Variants in COLGALT2 observed in about 807,000 individuals in gnomAD.
The protein encoded by COLGALT2 is collagen beta(1-O)galactosyltransferase 2.
In COLGALT2, 49 loss-of-function variants were observed where a neutral mutation model predicts 73.4. That is an observed-to-expected ratio of 0.67 (90% CI 0.53 to 0.85). COLGALT2 has a LOEUF of 0.85. Ranked by LOEUF, COLGALT2 falls within the 40% of genes least tolerant of loss-of-function variation. The pLI is 0.00. For synonymous variants in COLGALT2, 295 were observed against 307.6 expected, an observed-to-expected ratio of 0.96 and a Z score of 0.43; for missense variants, 722 against 790.2, an observed-to-expected ratio of 0.91 and a Z score of 1.03.
intron 1 of COLGALT2, 70 bp downstream of exon 1, chr1:184,037,025 G>C (rs1287016117): frequency 1.0e-5 from 13 of 1,265,782 alleles, no homozygotes; most frequent in Non-Finnish European, 1.3e-5. Context: ...CTGCTGCTCC[G>C]GGCGCTGTCC....
chr1:183,955,844 T>C lies in COLGALT2; in HGVS notation c.953-1006A>G, dbSNP rs537842709. Among the ~76,000 whole-genome samples, 170 of 152,350 alleles carry C rather than the reference T, an allele frequency of 1.1e-3. 2 individuals carry two copies. The highest frequency in any genetic ancestry group is 3.9e-3 in the African/African-American group (163 of 41,574). On this transcript the variant is annotated intron_variant, in intron 6 of 11. Coordinates refer to ENST00000361927, the MANE Select transcript of COLGALT2 (RefSeq NM_015101.4). Reference sequence around the variant, plus strand: ...CTACTGTAACGTATCTGTTCACCTCTATTCCAGGCACAGGAGAGGAATACA... The same window carrying C: ...CTACTGTAACGTATCTGTTCACCTCCATTCCAGGCACAGGAGAGGAATACA...
chr1:184,010,422 C>T (rs193133035), intron 1 of COLGALT2, among the ~76,000 whole-genome samples: 1 of 152,220 alleles, frequency 6.6e-6, no homozygotes, highest in Non-Finnish European at 1.5e-5. Context: ...AAGAGTCTGG[C>T]AGCCTGGGAG....
At chr1:183,956,864 A>C (rs1670567823) in intron 6 of COLGALT2, among the ~76,000 whole-genome samples, 1 of 152,218 alleles carries the variant, frequency 6.6e-6, no homozygotes, top group Non-Finnish European at 1.5e-5. Flanking sequence ...GAAGTGATAC[A>C]GTGAGTCAGA....
rs1004919062 is a variant in COLGALT2, at chr1:183,936,677, C to T, written c.*2084G>A. On this transcript the variant is annotated 3_prime_UTR_variant, in exon 12 of 12. Transcript: ENST00000361927. ...AAATATGAAAACAAAAACCAGATAC[C>T]CAAGGAAATCTTAGGAATCACCTAA... 8.1e-7 allele frequency: 1 copy of T among 1,228,020 alleles called. No homozygotes were observed. Among genetic ancestry groups the T allele is most frequent in the African/African-American group, 1.6e-5 (1 of 64,450 alleles). 76.1% of individuals were successfully genotyped at this position (1,228,020 alleles called of 1,614,324 possible).
intron 1 of COLGALT2, among the ~76,000 whole-genome samples, chr1:183,988,744 T>G (rs567035148): frequency 2.0e-5 from 3 of 152,224 alleles, no homozygotes; most frequent in Non-Finnish European, 4.4e-5. Context: ...TATCAGTTAA[T>G]AGACATTTGG....
intron 10 of COLGALT2, among the ~76,000 whole-genome samples, chr1:183,943,775 C>A (rs900438139): frequency 2.0e-5 from 3 of 152,324 alleles, no homozygotes; most frequent in South Asian, 2.1e-4. Flanking sequence ...GCAGAGGCAA[C>A]CTGCTGTCCC....
intron 7 of COLGALT2, 106 bp downstream of exon 7, chr1:183,954,656 G>T: frequency 1.2e-6 from 1 of 814,368 alleles, no homozygotes; most frequent in Non-Finnish European, 2.0e-6. Context: ...CAGCAGCCAA[G>T]CCAGTCTTGC....
At chr1:184,033,585 C>A (rs1649580435) in intron 1 of COLGALT2, among the ~76,000 whole-genome samples, 4 of 152,184 alleles carry the variant, frequency 2.6e-5, no homozygotes, top group Non-Finnish European at 5.9e-5. Context: ...TTTGTTCAGA[C>A]TAATCTGAAT....
At position 184,037,526 on chromosome 1, in the gene COLGALT2, G is replaced by C. The variant is rs1430738507; in HGVS notation, c.-169C>G. 6 of 1,144,138 alleles carry C rather than the reference G, an allele frequency of 5.2e-6. No homozygotes were observed. In the Admixed American group the frequency reaches 1.4e-4, roughly 28 times the overall value. The allele number at this position is 1,144,138 out of a possible 1,614,324, so 70.9% of individuals were successfully genotyped here. A position where few individuals can be genotyped will look rare whatever the true frequency, so the allele number is the denominator to read the frequency against. On this transcript the variant is annotated 5_prime_UTR_variant, in exon 1 of 12. Coordinates refer to ENST00000361927, the MANE Select transcript of COLGALT2 (RefSeq NM_015101.4). ...CTGGCCTCGGCGGCTGCGGTTCCCA[G>C]GACCCTCCCGCCGCCGCTGCACCGC...
intron 6 of COLGALT2, among the ~76,000 whole-genome samples, chr1:183,961,801 G>A (rs558871997): frequency 7.9e-5 from 12 of 152,254 alleles, no homozygotes; most frequent in African/African-American, 2.9e-4. Flanking sequence ...GGAATACAAA[G>A]CAATAAGATG....
In COLGALT2 at chr1:184,030,290, C is replaced by T. The variant is rs1029270120; in HGVS notation, c.263+6805G>A. Among the ~76,000 whole-genome samples the T allele has an allele frequency of 4.6e-5, 7 of 152,218 alleles. No individual in the cohort carries two copies. The East Asian group carries it at 5.8e-4, about 13-fold the overall frequency. On this transcript the variant is annotated intron_variant, in intron 1 of 11. Coordinates refer to ENST00000361927, the MANE Select transcript of COLGALT2 (RefSeq NM_015101.4). The stretch of plus-strand genomic sequence containing the variant: ...AAAATGTCAAAACATAGAATACATA[C>T]GTTTTGTAATTCCTGATGAATAATA...
At chr1:183,958,188 G>A (rs536977828) in intron 6 of COLGALT2, among the ~76,000 whole-genome samples, 3 of 152,100 alleles carry the variant, frequency 2.0e-5, no homozygotes, top group East Asian at 1.9e-4. Flanking sequence ...AGTCATTGTC[G>A]TCATAACCCT....
In COLGALT2 at chr1:184,012,402, T is replaced by C. The variant is rs143231290; in HGVS notation, c.263+24693A>G. ...ATTAGAGGAAAAATATGTTTTCTTT[T>C]AAACAAAATGAAAACATGATGCTGG... On this transcript the variant is annotated intron_variant, in intron 1 of 11. Transcript: ENST00000361927. Among the ~76,000 whole-genome samples, 245 of 152,342 alleles carry C rather than the reference T, an allele frequency of 1.6e-3. 1 individual carries two copies. The highest frequency in any genetic ancestry group is 5.7e-3 in the African/African-American group (239 of 41,586).
At chr1:184,023,454 T>C (rs914215725) in intron 1 of COLGALT2, among the ~76,000 whole-genome samples, 1 of 152,186 alleles carries the variant, frequency 6.6e-6, no homozygotes, top group Non-Finnish European at 1.5e-5. Flanking sequence ...TCCACTAGCT[T>C]GGTGAGACTT....
chr1:184,014,156 G>A (rs1648923782), intron 1 of COLGALT2, among the ~76,000 whole-genome samples: 1 of 152,174 alleles, frequency 6.6e-6, no homozygotes, highest in Admixed American at 6.5e-5. Context: ...GAAGCTACAG[G>A]AACGGACCAG....
chr1:183,979,342 T>C (rs1026889364), intron 1 of COLGALT2, among the ~76,000 whole-genome samples: 1 of 152,088 alleles, frequency 6.6e-6, no homozygotes, highest in Non-Finnish European at 1.5e-5. Context: ...AAGCAGGAGT[T>C]GTAATCCTGA....
chr1:183,934,778 A>G (rs578153620), downstream of COLGALT2, among the ~76,000 whole-genome samples: 4 of 152,182 alleles, frequency 2.6e-5, no homozygotes, highest in Non-Finnish European at 5.9e-5. Flanking sequence ...GGGAAAAACC[A>G]TAAGATTCCC....
chr1:183,931,972 C>A (rs1669857320), downstream of COLGALT2, among the ~76,000 whole-genome samples: 1 of 151,794 alleles, frequency 6.6e-6, no homozygotes, highest in African/African-American at 2.4e-5. Context: ...TATTCAGTAT[C>A]TAACATCCAA....
chr1:184,033,586 T>TATAA (rs1649580506), intron 1 of COLGALT2, among the ~76,000 whole-genome samples: 4 of 152,272 alleles, frequency 2.6e-5, no homozygotes, highest in Non-Finnish European at 5.9e-5. Flanking sequence ...TTGTTCAGAC[T>TATAA]AATCTGAATA....
Sources: allele counts gnomAD v4.1 joint callset (sites outside exome capture counted in the v4.1 genomes callset), GRCh38; gene constraint gnomAD v4.1.1; transcripts MANE v1.5; gene names NCBI Gene and HGNC (gene_info 2026-07-23, HGNC 2026-07-21).